Variants in RIMS2 observed in about 807,000 individuals in gnomAD.
RIMS2 encodes regulating synaptic membrane exocytosis 2.
A neutral mutation model predicts 174.4 loss-of-function variants in RIMS2; 59 were observed. The ratio of observed to expected loss-of-function variants is 0.34; its 90% CI spans 0.27 to 0.42. The LOEUF (loss-of-function observed/expected upper bound fraction) is 0.42. Ranked by LOEUF, RIMS2 falls within the 10% of genes least tolerant of loss-of-function variation. The pLI, the probability that RIMS2 is intolerant of heterozygous loss-of-function variation, is 1.00. For synonymous variants in RIMS2, 606 were observed against 572.5 expected (o/e 1.06, Z -0.84); for missense variants, 1,620 against 1,666.3 (o/e 0.97, Z 0.48).
chr8:104,116,585 G>C (rs1467351997), intron 19 of RIMS2, among the ~76,000 whole-genome samples: 2 of 152,050 alleles, frequency 1.3e-5, no homozygotes, highest in African/African-American at 2.4e-5. Context: ...ATTGATTTAG[G>C]ATTTACATTT....
At chr8:104,034,924 A>G (rs893198025) in intron 19 of RIMS2, among the ~76,000 whole-genome samples, 9 of 152,200 alleles carry the variant, frequency 5.9e-5, no homozygotes, top group African/African-American at 1.7e-4. Flanking sequence ...TACACATAAA[A>G]TATTTTAAGC....
intron 19 of RIMS2, among the ~76,000 whole-genome samples, chr8:104,033,671 C>T (rs2096449715): frequency 6.7e-6 from 1 of 150,222 alleles, no homozygotes; most frequent in Admixed American, 6.6e-5. Flanking sequence ...AAAATTGGTC[C>T]TGGAAATTGA....
At chr8:103,929,197 A>G (rs1160129543) in intron 11 of RIMS2, among the ~76,000 whole-genome samples, 2 of 151,800 alleles carry the variant, frequency 1.3e-5, no homozygotes, top group African/African-American at 2.4e-5. Context: ...TACCAAAAAT[A>G]TGAAAGCCAT....
At chr8:104,158,867 T>C (rs2098742567) in intron 19 of RIMS2, among the ~76,000 whole-genome samples, 2 of 152,218 alleles carry the variant, frequency 1.3e-5, no homozygotes, top group African/African-American at 4.8e-5. Flanking sequence ...CTGATGATAG[T>C]TTCTTTTGTT....
At chr8:103,527,170 A>G (rs1834451054) in intron 1 of RIMS2, among the ~76,000 whole-genome samples, 1 of 152,326 alleles carries the variant, frequency 6.6e-6, no homozygotes, top group African/African-American at 2.4e-5. Flanking sequence ...AGCACTCAGA[A>G]ATGAAGGCAA....
chr8:103,800,620 T>A (rs772361019), intron 3 of RIMS2, among the ~76,000 whole-genome samples: 7 of 152,220 alleles, frequency 4.6e-5, no homozygotes, highest in Non-Finnish European at 7.4e-5. Flanking sequence ...TCTCTTTATA[T>A]GGTGAATTAC....
intron 1 of RIMS2, among the ~76,000 whole-genome samples, chr8:103,641,569 A>G (rs978372727): frequency 6.6e-6 from 1 of 152,032 alleles, no homozygotes; most frequent in African/African-American, 2.4e-5. Context: ...TCCCTACCAA[A>G]TTGCATGTGA....
At chr8:103,926,184 T>G (rs1055040025) in intron 10 of RIMS2, among the ~76,000 whole-genome samples, 2 of 151,552 alleles carry the variant, frequency 1.3e-5, no homozygotes, top group Non-Finnish European at 3.0e-5. Context: ...AACGTTAATA[T>G]TTTTGGTCTA....
chr8:103,825,446 A>ATTTTTT lies in RIMS2; in HGVS notation c.698+58922_698+58927dup, dbSNP rs35460743. 8.8e-4 allele frequency among the ~76,000 whole-genome samples: 116 copies of ATTTTTT among 131,816 alleles called. 2 individuals carry two copies. Among genetic ancestry groups the ATTTTTT allele is most frequent in the Middle Eastern group, 4.0e-3 (1 of 248 alleles). 86.5% of individuals were successfully genotyped at this position (131,816 alleles called of 152,430 possible). On this transcript the variant is annotated intron_variant, in intron 3 of 23. Transcript: ENST00000504942. ...AGGCATGTGCCACAATGGCTAGCTA[A>ATTTTTT]TTTTTTTTTTTTTTTTTTGTTAGAG...
chr8:103,639,620 T>C (rs1318690248), intron 1 of RIMS2, among the ~76,000 whole-genome samples: 1 of 152,080 alleles, frequency 6.6e-6, no homozygotes, highest in Non-Finnish European at 1.5e-5. Flanking sequence ...TTCATATCAG[T>C]AGTTTATTTC....
At chr8:103,852,447 A>G (rs1245182979) in intron 3 of RIMS2, among the ~76,000 whole-genome samples, 1 of 150,298 alleles carries the variant, frequency 6.7e-6, no homozygotes, top group South Asian at 2.1e-4. Flanking sequence ...AAGATACAAG[A>G]TGTACATGGG....
intron 1 of RIMS2, among the ~76,000 whole-genome samples, chr8:103,696,160 A>G (rs1018978099): frequency 6.6e-6 from 1 of 151,380 alleles, no homozygotes; most frequent in South Asian, 2.1e-4. Flanking sequence ...TTTTTCTTTT[A>G]GTTTGGATAA....
At chr8:104,114,871 T>G (rs2098254881) in intron 19 of RIMS2, among the ~76,000 whole-genome samples, 1 of 152,022 alleles carries the variant, frequency 6.6e-6, no homozygotes, top group African/African-American at 2.4e-5. Context: ...ATTTTTTAAT[T>G]TTTAAGCTTT....
chr8:103,916,470 G>A, exon 8 of RIMS2: 1 of 1,610,410 alleles, frequency 6.2e-7, no homozygotes, highest in Non-Finnish European at 8.5e-7. Context: ...ATTTGAGGAA[G>A]TGTACAACAT....
At chr8:103,580,847 T>TTA (rs2093572442) in intron 1 of RIMS2, among the ~76,000 whole-genome samples, 1 of 128,516 alleles carries the variant, frequency 7.8e-6, no homozygotes, top group Admixed American at 7.5e-5. Flanking sequence ...TTTTTTTTTT[T>TTA]GAGACAGAGT....
intron 1 of RIMS2, among the ~76,000 whole-genome samples, chr8:103,510,030 T>A (rs1265447486): frequency 1.3e-5 from 2 of 152,192 alleles, no homozygotes; most frequent in African/African-American, 4.8e-5. Context: ...ACAGAGGAAC[T>A]GGATAAATGC....
At chr8:104,091,281 A>G (rs944961677) in intron 19 of RIMS2, among the ~76,000 whole-genome samples, 2 of 151,830 alleles carry the variant, frequency 1.3e-5, no homozygotes, top group African/African-American at 4.8e-5. Flanking sequence ...TTTAGATGAT[A>G]TAATAATCCC....
intron 19 of RIMS2, among the ~76,000 whole-genome samples, chr8:104,136,619 A>G (rs906708480): frequency 2.0e-5 from 3 of 152,340 alleles, no homozygotes; most frequent in African/African-American, 7.2e-5. Context: ...ATGCAGCCAT[A>G]AAAATGAATT....
intron 1 of RIMS2, among the ~76,000 whole-genome samples, chr8:103,571,592 T>C (rs1475949726): frequency 6.6e-6 from 1 of 152,236 alleles, no homozygotes; most frequent in African/African-American, 2.4e-5. Flanking sequence ...TGTATATATG[T>C]ACCTACTATA....
Sources: gnomAD v4.1 joint callset for allele counts (sites outside exome capture counted in the v4.1 genomes callset) on GRCh38, gnomAD v4.1.1 for gene constraint, MANE v1.5 for transcripts, NCBI Gene and HGNC (gene_info 2026-07-23, HGNC 2026-07-21) for gene names.